The following ATXN7 variants were observed in gnomAD, a reference collection of about 807,000 sequenced individuals.
The protein encoded by ATXN7 is ataxin 7, also known as ataxin-7.
ATXN7 carries 12 observed loss-of-function variants against 70.5 expected under a neutral mutation model. That is an observed-to-expected ratio of 0.17 (90% CI 0.11 to 0.28). The LOEUF is 0.28. Ranked by LOEUF, ATXN7 falls within the 10% of genes least tolerant of loss-of-function variation. The pLI is 1.00. For missense variants in ATXN7, 1,256 were observed against 1,131.7 expected, an observed-to-expected ratio of 1.11 and a Z score of -1.58; for synonymous variants, 498 against 448.7, an observed-to-expected ratio of 1.11 and a Z score of -1.39.
chr3:63,865,373 C>T (rs1377994852), intron 1 of ATXN7: 1 of 152,178 alleles, frequency 6.6e-6, no homozygotes, highest in Non-Finnish European at 1.5e-5. Flanking sequence ...GTGACTTGCT[C>T]TCCCCTAAGG....
At chr3:63,880,095 A>G (rs1202785960) in intron 1 of ATXN7, among the ~76,000 whole-genome samples, 1 of 152,144 alleles carries the variant, frequency 6.6e-6, no homozygotes, top group Non-Finnish European at 1.5e-5. Context: ...CAAAAAAGAA[A>G]AAAAGAACAG....
intron 5 of ATXN7, among the ~76,000 whole-genome samples, chr3:63,954,233 G>C (rs1358318786): frequency 6.6e-6 from 1 of 152,178 alleles, no homozygotes; most frequent in African/African-American, 2.4e-5. Context: ...AAGATGGGAG[G>C]TGTTTTACTG....
chr3:63,912,646 G>T lies in ATXN7; in HGVS notation c.48G>T (p.Ala16=). Residue 16 remains alanine (A), a synonymous_variant, in exon 3 of 13, where the codon GCG becomes GCT. Coordinates refer to ENST00000674280, the MANE Select transcript of ATXN7 (RefSeq NM_001377405.1). ...ADDVRGEPRR[A]AAAAGGAAAA... ...ACGTCAGGGGGGAGCCGCGCCGCGC[G>T]GCGGCGGCGGCGGGCGGAGCAGCGG... The T allele has an allele frequency of 2.0e-6, 2 of 989,742 alleles. No individual in the cohort carries two copies. The highest frequency in any genetic ancestry group is 2.4e-6 in the Non-Finnish European group (2 of 820,128). The allele number at this position is 989,742 out of a possible 1,614,324, so 61.3% of individuals were successfully genotyped here. A position where few individuals can be genotyped will look rare whatever the true frequency, so the allele number is the denominator to read the frequency against.
intron 1 of ATXN7, among the ~76,000 whole-genome samples, chr3:63,876,338 T>A (rs2107211383): frequency 6.6e-6 from 1 of 152,296 alleles, no homozygotes; most frequent in Admixed American, 6.5e-5. Context: ...GGCTCAATTC[T>A]CTGTGTCCTC....
chr3:63,990,235 A>T lies in ATXN7; in HGVS notation c.1421A>T (p.His474Leu), dbSNP rs748761537. 6.2e-7 allele frequency: 1 copy of T among 1,613,746 alleles called. No homozygotes were observed. Among genetic ancestry groups the T allele is most frequent in the East Asian group, 2.2e-5 (1 of 44,866 alleles). The change falls in exon 10 of 13, where the codon CAT (histidine) becomes CTT (leucine). Residue 474 changes from histidine to leucine, a missense_variant. Transcript: ENST00000674280. ...GCCCCCATTGACCCTCCTCCAGTCC[A>T]TGAATCTCCACACCCTCCCCTGCCT... The part of the protein sequence containing the change: ...GSAPIDPPPV[H>L]ESPHPPLPAT...
intron 1 of ATXN7, among the ~76,000 whole-genome samples, chr3:63,888,787 T>TA (rs145255611): frequency 3.3e-5 from 5 of 151,612 alleles, no homozygotes; most frequent in Admixed American, 2.0e-4. Context: ...AAATAAAAAT[T>TA]AAAAAAAACA....
chr3:63,948,299 T>C (rs2074897460), intron 4 of ATXN7, among the ~76,000 whole-genome samples: 2 of 152,096 alleles, frequency 1.3e-5, no homozygotes, highest in Non-Finnish European at 2.9e-5. Flanking sequence ...TGTTGGGGGA[T>C]GAATAGTATC....
At chr3:63,933,537 C>G (rs2074597479) in intron 4 of ATXN7, among the ~76,000 whole-genome samples, 1 of 152,156 alleles carries the variant, frequency 6.6e-6, no homozygotes, top group Admixed American at 6.5e-5. Flanking sequence ...AAGCCCTGGC[C>G]TCCACAGTCT....
chr3:63,902,773 G>A (rs370837786), intron 2 of ATXN7, among the ~76,000 whole-genome samples: 71 of 152,086 alleles, frequency 4.7e-4, no homozygotes, highest in African/African-American at 1.4e-3. Flanking sequence ...AGTCCATGCC[G>A]TTGCCACTCA....
At chr3:63,863,729 C>G, upstream of ATXN7, 2 of 1,248,412 alleles carry the variant, frequency 1.6e-6, no homozygotes, top group Middle Eastern at 3.1e-4. Context: ...GGAGGCCCAG[C>G]GGGCCGTGCA....
At chr3:63,997,759 A>C (rs1189444408) in intron 12 of ATXN7, 1 of 1,524,162 alleles carries the variant, frequency 6.6e-7, no homozygotes, top group East Asian at 2.5e-5. Flanking sequence ...CAGCCGGGTT[A>C]GGACTTTTTC....
Position 63,988,124 on chromosome 3 carries a change from C to T in ATXN7, c.1161C>T (p.Ala387=), listed in dbSNP as rs778348924. ...GAAAACGATTTGATGTGTTATTAGC[C>T]GAGCACAAAAACAAAACCAGGGAAA... ...GRRKRFDVLL[A]EHKNKTREKE... is the part of the protein sequence containing the mutation. The change falls in exon 9 of 13, where the codon GCC becomes GCT. Residue 387 remains alanine, a synonymous_variant. Coordinates refer to ENST00000674280, the MANE Select transcript of ATXN7 (RefSeq NM_001377405.1). 3.6e-5 allele frequency: 58 copies of T among 1,613,904 alleles called. No individual in the cohort carries two copies. Among genetic ancestry groups the T allele is most frequent in the East Asian group, 1.8e-4 (8 of 44,880 alleles).
chr3:63,917,177 C>G (rs951849250), intron 4 of ATXN7, among the ~76,000 whole-genome samples: 1 of 152,142 alleles, frequency 6.6e-6, no homozygotes, highest in Non-Finnish European at 1.5e-5. Flanking sequence ...ACCTCGGCCT[C>G]CCAAAGTGTT....
At chr3:63,983,909 A>G (rs1355199606) in intron 8 of ATXN7, among the ~76,000 whole-genome samples, 1 of 152,184 alleles carries the variant, frequency 6.6e-6, no homozygotes, top group Non-Finnish European at 1.5e-5. Context: ...ATGTAATTTT[A>G]AAACCTTAGA....
intron 4 of ATXN7, among the ~76,000 whole-genome samples, chr3:63,948,536 C>T (rs538277893): frequency 6.6e-6 from 1 of 152,112 alleles, no homozygotes; most frequent in African/African-American, 2.4e-5. Context: ...AAGGGAGACA[C>T]GCAGGGTACT....
intron 5 of ATXN7, among the ~76,000 whole-genome samples, chr3:63,975,900 C>G (rs1189903026): frequency 6.6e-6 from 1 of 152,198 alleles, no homozygotes; most frequent in African/African-American, 2.4e-5. Flanking sequence ...CTTTCTTTGT[C>G]TCTGCTCTTT....
chr3:63,889,609 A>G (rs1392960925), intron 1 of ATXN7, among the ~76,000 whole-genome samples: 2 of 152,226 alleles, frequency 1.3e-5, no homozygotes, highest in Non-Finnish European at 2.9e-5. Context: ...TCTAGGATCT[A>G]TAGGAGGGCA....
chr3:63,931,849 T>A (rs980288168), intron 4 of ATXN7, among the ~76,000 whole-genome samples: 2 of 152,136 alleles, frequency 1.3e-5, no homozygotes, highest in African/African-American at 4.8e-5. Context: ...TAAAACTGTG[T>A]CAAAGGAAAG....
chr3:63,875,944 C>T (rs1156367024), intron 1 of ATXN7, among the ~76,000 whole-genome samples: 1 of 152,172 alleles, frequency 6.6e-6, no homozygotes, highest in Non-Finnish European at 1.5e-5. Context: ...ACACACATCC[C>T]AAGACTTCTG....
Sources: allele counts gnomAD v4.1 joint callset (sites outside exome capture counted in the v4.1 genomes callset), GRCh38; gene constraint gnomAD v4.1.1; transcripts MANE v1.5; gene names NCBI Gene and HGNC (gene_info 2026-07-23, HGNC 2026-07-21).